Variants in HDAC9 observed in about 807,000 individuals in gnomAD.
HDAC9 encodes histone deacetylase 9.
HDAC9 carries 41 observed loss-of-function variants against 139.4 expected under a neutral mutation model. That is an observed-to-expected ratio of 0.29 (90% CI 0.23 to 0.38). HDAC9 has a LOEUF of 0.38. HDAC9 is among the 10% of genes least tolerant of loss of function. The pLI is 1.00. For synonymous variants in HDAC9, 517 were observed against 476.2 expected (o/e 1.09, Z -1.12); for missense variants, 1,147 against 1,297.0 (o/e 0.88, Z 1.78).
chr7:18,944,242 T>C (rs1782216537), intron 23 of HDAC9, among the ~76,000 whole-genome samples: 1 of 152,188 alleles, frequency 6.6e-6, no homozygotes, highest in South Asian at 2.1e-4. Flanking sequence ...GTCCTCTTGG[T>C]CTTGATTATC....
intron 22 of HDAC9, among the ~76,000 whole-genome samples, chr7:18,907,266 A>G (rs778022719): frequency 1.3e-4 from 20 of 152,232 alleles, no homozygotes; most frequent in Non-Finnish European, 2.5e-4. Flanking sequence ...TCTCACATAA[A>G]TCAATGGAAT....
At position 18,199,754 on chromosome 7, in the gene HDAC9, C is replaced by CAA. The variant is rs59883693; in HGVS notation, c.25+37429_25+37430dup. Among the ~76,000 whole-genome samples, 267 of 55,592 alleles carry CAA rather than the reference C, an allele frequency of 4.8e-3. 1 individual carries two copies. The highest frequency in any genetic ancestry group is 0.014 in the African/African-American group (186 of 13,452). The allele number at this position is 55,592 out of a possible 152,430, so 36.5% of individuals were successfully genotyped here. A position where few individuals can be genotyped will look rare whatever the true frequency, so the allele number is the denominator to read the frequency against. ...CAACATAGTGAAGTCATGTGTCTAC[C>CAA]AAAAAAAAAAAAAAAAAAAAAAAAA... is the stretch of plus-strand genomic sequence containing the variant. On this transcript the variant is annotated intron_variant, in intron 2 of 12. Transcript: ENST00000417496.
intron 1 of HDAC9, among the ~76,000 whole-genome samples, chr7:18,143,792 C>CA (rs71014311): frequency 0.31 from 37,850 of 122,334 alleles, 5,862 homozygotes; most frequent in East Asian, 0.44. Flanking sequence ...GACTCCATCT[C>CA]AAAAAAAAAA....
intron 1 of HDAC9, among the ~76,000 whole-genome samples, chr7:18,334,233 G>C (rs968126460): frequency 9.9e-5 from 15 of 151,270 alleles, no homozygotes; most frequent in African/African-American, 3.4e-4. Context: ...AAAATCTACA[G>C]ACCAATAATT....
intron 12 of HDAC9, among the ~76,000 whole-genome samples, chr7:18,676,006 G>C (rs1306722632): frequency 6.6e-6 from 1 of 152,016 alleles, no homozygotes; most frequent in Non-Finnish European, 1.5e-5. Context: ...TTGTTCCGAA[G>C]GATGTATTAA....
intron 2 of HDAC9, among the ~76,000 whole-genome samples, chr7:18,501,540 G>A (rs533427025): frequency 1.2e-3 from 180 of 152,154 alleles, no homozygotes; most frequent in African/African-American, 4.2e-3. Context: ...GCTTAATTCA[G>A]TTAAGTTTAA....
intron 22 of HDAC9, among the ~76,000 whole-genome samples, chr7:18,890,831 A>C (rs1311018507): frequency 1.3e-5 from 2 of 152,226 alleles, no homozygotes; most frequent in Non-Finnish European, 2.9e-5. Context: ...ACTTTAAGCG[A>C]AAGTAGAAAA....
chr7:18,407,424 C>G (rs1463877060), intron 1 of HDAC9, among the ~76,000 whole-genome samples: 1 of 152,098 alleles, frequency 6.6e-6, no homozygotes, highest in East Asian at 1.9e-4. Flanking sequence ...GCTACTGTAA[C>G]AAATCTCAAA....
At chr7:18,360,126 T>G (rs1359405593) in intron 1 of HDAC9, among the ~76,000 whole-genome samples, 2 of 152,214 alleles carry the variant, frequency 1.3e-5, no homozygotes, top group African/African-American at 4.8e-5. Context: ...TTTTTATGGT[T>G]TCTTGGACTC....
At chr7:18,785,430 A>G (rs1005439203) in intron 16 of HDAC9, among the ~76,000 whole-genome samples, 1 of 152,070 alleles carries the variant, frequency 6.6e-6, no homozygotes, top group Non-Finnish European at 1.5e-5. Context: ...ACAACAAAAA[A>G]TGTCTCCAGA....
intron 12 of HDAC9, among the ~76,000 whole-genome samples, chr7:18,714,756 A>G (rs1377161588): frequency 1.3e-5 from 2 of 152,110 alleles, no homozygotes; most frequent in Non-Finnish European, 2.9e-5. Context: ...TTGCTCTTTT[A>G]TAATTATTTG....
At chr7:18,733,337 ATGTG>A (rs928911030) in intron 13 of HDAC9, among the ~76,000 whole-genome samples, 1 of 149,796 alleles carries the variant, frequency 6.7e-6, no homozygotes, top group African/African-American at 2.4e-5. Flanking sequence ...ATATATGTGT[ATGTG>A]TGTGTGTATG....
chr7:18,308,948 G>A (rs895029687), intron 1 of HDAC9, among the ~76,000 whole-genome samples: 1 of 152,122 alleles, frequency 6.6e-6, no homozygotes, highest in Non-Finnish European at 1.5e-5. Context: ...GAAACACCAG[G>A]GAACCTGAAC....
At chr7:18,581,983 A>T (rs960153156) in intron 2 of HDAC9, among the ~76,000 whole-genome samples, 1 of 152,204 alleles carries the variant, frequency 6.6e-6, no homozygotes, top group East Asian at 1.9e-4. Context: ...ACTTCTGGTC[A>T]ATCCATGGCA....
At chr7:18,786,469 T>TCTTTCTTTCCTTCCTTCCTTC in intron 16 of HDAC9, among the ~76,000 whole-genome samples, 16 of 16,266 alleles carry the variant, frequency 9.8e-4, no homozygotes, top group African/African-American at 1.7e-3. Flanking sequence ...TTCCTTCCTT[T>TCTTTCTTTCCTTCCTTCCTTC]CGTCCTTCCT....
chr7:18,512,468 T>A (rs991526733), intron 2 of HDAC9, among the ~76,000 whole-genome samples: 3 of 152,164 alleles, frequency 2.0e-5, no homozygotes, highest in African/African-American at 7.2e-5. Context: ...TTGAAGGGCA[T>A]ATAAGAAAAC....
chr7:18,833,333 A>G (rs932389550), intron 19 of HDAC9, among the ~76,000 whole-genome samples: 5 of 152,212 alleles, frequency 3.3e-5, no homozygotes, highest in African/African-American at 4.8e-5. Flanking sequence ...TGACTGTTTT[A>G]AGTAAACATT....
chr7:18,691,362 A>T (rs911216867), intron 12 of HDAC9, among the ~76,000 whole-genome samples: 2 of 152,040 alleles, frequency 1.3e-5, no homozygotes, highest in Non-Finnish European at 2.9e-5. Flanking sequence ...CTTTTCTGAG[A>T]GGTTGGTGGG....
At chr7:18,674,882 ATTAT>A (rs1004357875) in intron 12 of HDAC9, among the ~76,000 whole-genome samples, 1 of 151,940 alleles carries the variant, frequency 6.6e-6, no homozygotes, top group African/African-American at 2.4e-5. Context: ...TGATGAATTT[ATTAT>A]TTAACAGTAC....
Sources: gnomAD v4.1 joint callset for allele counts (sites outside exome capture counted in the v4.1 genomes callset) on GRCh38, gnomAD v4.1.1 for gene constraint, MANE v1.5 for transcripts, NCBI Gene and HGNC (gene_info 2026-07-23, HGNC 2026-07-21) for gene names.